Variants in SEC31B observed in about 807,000 individuals in gnomAD.
SEC31B encodes the protein protein transport protein Sec31B.
SEC31B carries 113 observed loss-of-function variants against 135.0 expected under a neutral mutation model. That is an observed-to-expected ratio of 0.84 (90% CI 0.72 to 0.98). The LOEUF (loss-of-function observed/expected upper bound fraction) is 0.98. Among genes scored for constraint, SEC31B ranks in the 50% least tolerant of loss-of-function variants. The probability of loss-of-function intolerance (pLI) is 0.00; values close to 1 mark genes in which losing one functional copy is unlikely to be tolerated. For missense variants in SEC31B, 1,296 were observed against 1,421.1 expected (o/e 0.91, Z 1.42); for synonymous variants, 508 against 549.4 (o/e 0.92, Z 1.05).
intron 13 of SEC31B, 86 bp from the exon 14 acceptor site, chr10:100,498,890 A>C: frequency 9.4e-7 from 1 of 1,068,332 alleles, no homozygotes; most frequent in South Asian, 1.4e-5. Flanking sequence ...GAGCTCTACT[A>C]TTTGGCCGTT....
intron 16 of SEC31B, 100 bp downstream of exon 16, chr10:100,497,567 C>G (rs372346101): frequency 6.3e-7 from 1 of 1,588,538 alleles, no homozygotes; most frequent in Admixed American, 1.7e-5. Context: ...TGCCTCGCCT[C>G]CCACAGCTCA....
chr10:100,490,606 C>T (rs1315334067), intron 20 of SEC31B, 100 bp downstream of exon 20: 3 of 1,243,080 alleles, frequency 2.4e-6, no homozygotes, highest in Middle Eastern at 2.8e-4. Flanking sequence ...GCTCCTCTCA[C>T]TAGACAGACA....
rs1017244607 is a variant in SEC31B, at chr10:100,508,129, A to T, written c.496-78T>A. On this transcript the variant is annotated intron_variant, in intron 5 of 25. Coordinates refer to ENST00000370345, the MANE Select transcript of SEC31B (RefSeq NM_015490.4). ...TGACATCTGCTGTTCCACTGCTCCC[A>T]GCCACCCACAGCAAGTCCAAGAATA... 8 of 1,548,720 alleles carry T rather than the reference A, an allele frequency of 5.2e-6. No homozygotes were observed. In the African/African-American group the frequency reaches 1.1e-4, roughly 21 times the overall value.
chr10:100,494,585 A>G lies in SEC31B; in HGVS notation c.2472+800T>C, dbSNP rs1247229939. On this transcript the variant is annotated intron_variant, in intron 19 of 25. Coordinates refer to ENST00000370345, the MANE Select transcript of SEC31B (RefSeq NM_015490.4). ...AGTAATTCTCAAAAGGCTTCGGCTT[A>G]CTCTTGCTTCAGTGCCTTTGTACAT... is the stretch of plus-strand genomic sequence containing the variant. 2.0e-5 allele frequency among the ~76,000 whole-genome samples: 3 copies of G among 152,120 alleles called. No homozygotes were observed. The East Asian group carries it at 5.8e-4, about 29-fold the overall frequency.
intron 3 of SEC31B, among the ~76,000 whole-genome samples, chr10:100,512,731 A>G (rs917485452): frequency 6.6e-6 from 1 of 152,234 alleles, no homozygotes; most frequent in Non-Finnish European, 1.5e-5. Context: ...AAAAAGAGAT[A>G]TAGGAAGAGG....
Position 100,519,785 on chromosome 10 carries a change from TGCGGAAGACCCC to T in SEC31B, c.-61_-50del, listed in dbSNP as rs1851920244. ...CAGACCGGCGGGGCGAACCAACCTGTGCGGAAGACCCCGGACAAGGGTCAGGCGCGGCGGCCG... is the reference window on the plus strand; with the variant it reads ...CAGACCGGCGGGGCGAACCAACCTGTGGACAAGGGTCAGGCGCGGCGGCCG... On this transcript the variant is annotated 5_prime_UTR_variant, in exon 1 of 26. Transcript: ENST00000370345. 6.6e-6 allele frequency: 1 copy of T among 152,262 alleles called. No homozygotes were observed. The highest frequency in any genetic ancestry group is 1.5e-5 in the Non-Finnish European group (1 of 68,104). The allele number at this position is 152,262 out of a possible 1,614,324, so 9.4% of individuals were successfully genotyped here. A position where few individuals can be genotyped will look rare whatever the true frequency, so the allele number is the denominator to read the frequency against.
At chr10:100,490,505 A>G (rs1365302034) in intron 20 of SEC31B, 183 bp from the exon 21 acceptor site, 11 of 876,534 alleles carry the variant, frequency 1.3e-5, no homozygotes, top group Non-Finnish European at 1.8e-5. Context: ...AAACAATCCC[A>G]TAGCATTGAA....
intron 3 of SEC31B, among the ~76,000 whole-genome samples, chr10:100,513,556 G>A (rs965827384): frequency 1.4e-4 from 21 of 151,838 alleles, no homozygotes; most frequent in African/African-American, 4.1e-4. Context: ...TGCAACCTCC[G>A]CCTCCCACGT....
Position 100,505,589 on chromosome 10 carries a change from C to A in SEC31B, c.1045-94G>T, listed in dbSNP as rs1851614527. ...TCCATTTTGGGAGGAATCCTTGAGA[C>A]ACCCAATTTGACCTAGAAAGGTCAG... is the stretch of plus-strand genomic sequence containing the variant. On this transcript the variant is annotated intron_variant, in intron 9 of 25. Transcript: ENST00000370345. 1.1e-5 allele frequency: 16 copies of A among 1,488,672 alleles called. No individual in the cohort carries two copies. The South Asian group carries it at 2.1e-4, about 19-fold the overall frequency. The allele number at this position is 1,488,672 out of a possible 1,614,324, so 92.2% of individuals were successfully genotyped here. A position where few individuals can be genotyped will look rare whatever the true frequency, so the allele number is the denominator to read the frequency against.
Position 100,505,749 on chromosome 10 carries a change from A to G in SEC31B, c.1045-254T>C, listed in dbSNP as rs986183809. Reference sequence around the variant, plus strand: ...ACAAAATGGATCTATAGAAGAGAGAAAGATAAGAGTCATACTCTTGAAATA... The same window carrying G: ...ACAAAATGGATCTATAGAAGAGAGAGAGATAAGAGTCATACTCTTGAAATA... On this transcript the variant is annotated intron_variant, in intron 9 of 25. Transcript: ENST00000370345. 2.1e-5 allele frequency: 29 copies of G among 1,411,146 alleles called. No homozygotes were observed. In the South Asian group the frequency reaches 4.5e-4, roughly 22 times the overall value. The allele number at this position is 1,411,146 out of a possible 1,614,324, so 87.4% of individuals were successfully genotyped here. A position where few individuals can be genotyped will look rare whatever the true frequency, so the allele number is the denominator to read the frequency against.
chr10:100,489,830 C>T, intron 21 of SEC31B, 69 bp from the exon 22 acceptor site: 1 of 1,608,264 alleles, frequency 6.2e-7, no homozygotes, highest in Non-Finnish European at 8.5e-7. Flanking sequence ...TATCTGAAGG[C>T]TGGAAGCATT....
At position 100,502,493 on chromosome 10, in the gene SEC31B, G is replaced by A; in HGVS notation, c.1180-9C>T. 6.3e-7 allele frequency: 1 copy of A among 1,594,416 alleles called. No homozygotes were observed. Among genetic ancestry groups the A allele is most frequent in the Non-Finnish European group, 8.6e-7 (1 of 1,164,662 alleles). ...ACCAGCTTCCCTCCAAACTGGTGAG[G>A]AAAAGCAAGAAGGGTAAAGGTTATA... On this transcript the variant is annotated splice_polypyrimidine_tract_variant and intron_variant, in intron 10 of 25. Coordinates refer to ENST00000370345, the MANE Select transcript of SEC31B (RefSeq NM_015490.4).
At chr10:100,490,948 AAAAT>A in intron 19 of SEC31B, 65 bp from the exon 20 acceptor site, 3 of 1,176,046 alleles carry the variant, frequency 2.6e-6, no homozygotes, top group Non-Finnish European at 3.4e-6. Context: ...AGAAAACAGA[AAAAT>A]AATAGGGAAA....
chr10:100,514,585 A>G (rs1214462332), intron 3 of SEC31B, among the ~76,000 whole-genome samples: 1 of 151,956 alleles, frequency 6.6e-6, no homozygotes, highest in Non-Finnish European at 1.5e-5. Context: ...AAAATAAGAG[A>G]TGCTCTCATA....
At chr10:100,509,246 C>G (rs1045872027) in intron 4 of SEC31B, 70 bp downstream of exon 4, 1 of 1,535,238 alleles carries the variant, frequency 6.5e-7, no homozygotes, top group Admixed American at 1.7e-5. Context: ...CTGGAGGCCA[C>G]AAATGAATGC....
In SEC31B at chr10:100,486,782, G is replaced by A. The variant is rs1448585447; in HGVS notation, c.*834C>T. ...AGGGAGAAGGACCCCCAACCCTTGAGGAGCAGCGCTGGAAGAGAATCATTC... is the reference window on the plus strand; with the variant it reads ...AGGGAGAAGGACCCCCAACCCTTGAAGAGCAGCGCTGGAAGAGAATCATTC... On this transcript the variant is annotated 3_prime_UTR_variant, in exon 26 of 26. Transcript: ENST00000370345. 1 of 152,294 alleles carries A rather than the reference G, an allele frequency of 6.6e-6. No individual in the cohort carries two copies. Among genetic ancestry groups the A allele is most frequent in the East Asian group, 1.9e-4 (1 of 5,188 alleles). 9.4% of individuals were successfully genotyped at this position (152,294 alleles called of 1,614,324 possible).
In SEC31B at chr10:100,487,386, G is replaced by T; in HGVS notation, c.*230C>A. 1 of 553,830 alleles carries T rather than the reference G, an allele frequency of 1.8e-6. No individual in the cohort carries two copies. Among genetic ancestry groups the T allele is most frequent in the South Asian group, 2.1e-5 (1 of 47,044 alleles). The allele number at this position is 553,830 out of a possible 1,614,324, so 34.3% of individuals were successfully genotyped here. Reference sequence around the variant, plus strand: ...AGGGAGAGTGAAGAACTGATTCTATGCCCTGCCTCCAGGCCTGAGAGTGTC... The same window carrying T: ...AGGGAGAGTGAAGAACTGATTCTATTCCCTGCCTCCAGGCCTGAGAGTGTC... On this transcript the variant is annotated 3_prime_UTR_variant, in exon 26 of 26. Coordinates refer to ENST00000370345, the MANE Select transcript of SEC31B (RefSeq NM_015490.4).
chr10:100,502,777 T>G (rs532565612), intron 10 of SEC31B, among the ~76,000 whole-genome samples: 2 of 152,032 alleles, frequency 1.3e-5, no homozygotes, highest in African/African-American at 4.8e-5. Flanking sequence ...GCTAAATACC[T>G]CAGCATTAGC....
Position 100,490,007 on chromosome 10 carries a change from C to T in SEC31B, c.2965+1G>A, listed in dbSNP as rs1851268949. The T allele has an allele frequency of 6.5e-7, 1 of 1,538,348 alleles. No homozygotes were observed. The highest frequency in any genetic ancestry group is 1.4e-5 in the African/African-American group (1 of 72,160). ...GAGGGATCCATGGAAGGAAGACTGA[C>T]CTGGGTGAGGAGTCAAGATGCCAGT... On this transcript the variant is annotated splice_donor_variant, in intron 21 of 25. Transcript: ENST00000370345. LOFTEE classifies it high-confidence loss of function.
Sources: allele counts gnomAD v4.1 joint callset (sites outside exome capture counted in the v4.1 genomes callset), GRCh38; gene constraint gnomAD v4.1.1; transcripts MANE v1.5; gene names NCBI Gene and HGNC (gene_info 2026-07-23, HGNC 2026-07-21).